XRCC4: variants seen among roughly 807,000 people sequenced by gnomAD.
The protein encoded by XRCC4 is DNA repair protein XRCC4.
Under a neutral mutation model 39.1 loss-of-function variants are expected in XRCC4, and 28 were observed. The ratio of observed to expected loss-of-function variants is 0.72; its 90% CI spans 0.53 to 0.98. The LOEUF (loss-of-function observed/expected upper bound fraction) is 0.98, where lower values mean the gene tolerates loss of function less well. Ranked by LOEUF, XRCC4 falls within the 50% of genes least tolerant of loss-of-function variation. The pLI is 0.00. For missense variants in XRCC4, 350 were observed against 376.4 expected (o/e 0.93, Z 0.58); for synonymous variants, 123 against 126.4 (o/e 0.97, Z 0.18).
At chr5:83,328,156 AC>A (rs1407921316) in intron 7 of XRCC4, among the ~76,000 whole-genome samples, 1 of 151,976 alleles carries the variant, frequency 6.6e-6, no homozygotes. Context: ...AAAAGCGGAA[AC>A]CCCTGATAAA....
At chr5:83,153,121 A>G (rs1383893485) in intron 3 of XRCC4, among the ~76,000 whole-genome samples, 1 of 152,160 alleles carries the variant, frequency 6.6e-6, no homozygotes, top group Non-Finnish European at 1.5e-5. Flanking sequence ...GGAATCACAG[A>G]GCATTCAATC....
intron 3 of XRCC4, among the ~76,000 whole-genome samples, chr5:83,179,077 T>C (rs562371145): frequency 6.6e-6 from 1 of 152,362 alleles, no homozygotes; most frequent in African/African-American, 2.4e-5. Flanking sequence ...GCATTTCTCA[T>C]AGTAACAGCC....
At chr5:83,134,056 C>G (rs1228344681) in intron 3 of XRCC4, among the ~76,000 whole-genome samples, 1 of 152,206 alleles carries the variant, frequency 6.6e-6, no homozygotes, top group Non-Finnish European at 1.5e-5. Flanking sequence ...GGCCGGCTAG[C>G]TCCTTCTGGG....
rs561002827 is a variant in XRCC4, at chr5:83,085,502, A to G, written c.-11+7887A>G. The stretch of plus-strand genomic sequence containing the variant: ...GATTTTTTTTGTAATTTTTAGGTAG[A>G]TGCTTGTATGATATAGTATACTAAT... On this transcript the variant is annotated intron_variant, in intron 1 of 7. Coordinates refer to ENST00000396027, the MANE Select transcript of XRCC4 (RefSeq NM_003401.5). Among the ~76,000 whole-genome samples, 11 of 152,234 alleles carry G rather than the reference A, an allele frequency of 7.2e-5. No homozygotes were observed. In the East Asian group the frequency reaches 1.9e-3, roughly 27 times the overall value.
At chr5:83,175,888 C>T (rs1371236126) in intron 3 of XRCC4, among the ~76,000 whole-genome samples, 2 of 152,060 alleles carry the variant, frequency 1.3e-5, no homozygotes, top group African/African-American at 2.4e-5. Context: ...GGATTATAGG[C>T]GTGAGCCACC....
intron 3 of XRCC4, among the ~76,000 whole-genome samples, chr5:83,152,632 CAAAAAA>C (rs59213558): frequency 0.53 from 59,645 of 112,146 alleles, 13,007 homozygotes; most frequent in African/African-American, 0.61. Context: ...GATCCTGTCT[CAAAAAA>C]AAAAAAAAAA....
chr5:83,084,012 C>T (rs747579870), intron 1 of XRCC4, among the ~76,000 whole-genome samples: 46 of 152,122 alleles, frequency 3.0e-4, no homozygotes, highest in Non-Finnish European at 5.4e-4. Flanking sequence ...TTGGGTGTCT[C>T]TATTTCAGTA....
At chr5:83,271,602 G>T (rs1414758345) in intron 7 of XRCC4, among the ~76,000 whole-genome samples, 2 of 151,890 alleles carry the variant, frequency 1.3e-5, no homozygotes, top group African/African-American at 4.8e-5. Context: ...CCACAGTTTT[G>T]CCTTCTGTAT....
At chr5:83,261,135 G>A (rs1377455789) in intron 7 of XRCC4, among the ~76,000 whole-genome samples, 1 of 151,166 alleles carries the variant, frequency 6.6e-6, no homozygotes, top group African/African-American at 2.4e-5. Context: ...AATACTAGTT[G>A]TACTTTCCCA....
At chr5:83,258,354 T>C (rs1753627395) in intron 6 of XRCC4, among the ~76,000 whole-genome samples, 176 bp from the exon 7 acceptor site, 1 of 152,208 alleles carries the variant, frequency 6.6e-6, no homozygotes, top group Non-Finnish European at 1.5e-5. Flanking sequence ...TTGTTGGTAG[T>C]AAAGTATCAT....
chr5:83,200,905 T>C (rs1751162028), intron 4 of XRCC4, among the ~76,000 whole-genome samples: 1 of 152,184 alleles, frequency 6.6e-6, no homozygotes. Flanking sequence ...ATCTGAAATA[T>C]AAATGTAGTG....
chr5:83,220,494 G>C (rs1332239565), intron 6 of XRCC4, among the ~76,000 whole-genome samples: 1 of 152,128 alleles, frequency 6.6e-6, no homozygotes, highest in Non-Finnish European at 1.5e-5. Context: ...AATGTTGCCA[G>C]CGCATCAGCA....
At chr5:83,183,964 A>G (rs1007625182) in intron 3 of XRCC4, among the ~76,000 whole-genome samples, 32 of 152,278 alleles carry the variant, frequency 2.1e-4, no homozygotes, top group African/African-American at 7.7e-4. Flanking sequence ...GGTAAATAAG[A>G]TTATATAGCA....
At chr5:83,184,113 T>C (rs1580341304) in intron 3 of XRCC4, among the ~76,000 whole-genome samples, 1 of 152,084 alleles carries the variant, frequency 6.6e-6, no homozygotes, top group Middle Eastern at 3.4e-3. Context: ...GAATTTTTAA[T>C]CCATTGTTTA....
rs146924357 is a variant in XRCC4, at chr5:83,244,861, G to T, written c.746-13669G>T. ...TGGAAAACCAGTAATTTCTTCTTGA[G>T]AAATTGAAAACATCTTAAACATAAG... is the stretch of plus-strand genomic sequence containing the variant. On this transcript the variant is annotated intron_variant, in intron 6 of 7. Coordinates refer to ENST00000396027, the MANE Select transcript of XRCC4 (RefSeq NM_003401.5). Among the ~76,000 whole-genome samples the T allele has an allele frequency of 1.4e-4, 22 of 152,246 alleles. 1 individual carries two copies. In the East Asian group the frequency reaches 4.2e-3, roughly 29 times the overall value.
chr5:83,158,818 T>TA (rs1749077157), intron 3 of XRCC4, among the ~76,000 whole-genome samples: 1 of 152,152 alleles, frequency 6.6e-6, no homozygotes, highest in Admixed American at 6.5e-5. Flanking sequence ...TAATCTTATA[T>TA]AAAAAACATT....
At chr5:83,239,556 G>A (rs756103042) in intron 6 of XRCC4, among the ~76,000 whole-genome samples, 13 of 152,136 alleles carry the variant, frequency 8.5e-5, no homozygotes, top group African/African-American at 2.7e-4. Flanking sequence ...CTGGCTGGGC[G>A]CAGTGGCTCA....
At chr5:83,108,101 T>A (rs1004680207) in intron 2 of XRCC4, among the ~76,000 whole-genome samples, 14 of 151,960 alleles carry the variant, frequency 9.2e-5, no homozygotes, top group South Asian at 4.1e-4. Flanking sequence ...AGTTCCTTGT[T>A]TTTTGGTCAT....
intron 6 of XRCC4, among the ~76,000 whole-genome samples, chr5:83,234,755 A>G (rs1580404733): frequency 6.6e-6 from 1 of 152,072 alleles, no homozygotes; most frequent in African/African-American, 2.4e-5. Flanking sequence ...AGGGGACTAT[A>G]CTATATTAAT....
Sources: gnomAD v4.1 joint callset for allele counts (sites outside exome capture counted in the v4.1 genomes callset) on GRCh38, gnomAD v4.1.1 for gene constraint, MANE v1.5 for transcripts, NCBI Gene and HGNC (gene_info 2026-07-23, HGNC 2026-07-21) for gene names.